Variants in ROBO2 observed in about 807,000 individuals in gnomAD.
ROBO2 encodes roundabout homolog 2.
ROBO2 carries 53 observed loss-of-function variants against 160.8 expected under a neutral mutation model. The observed-to-expected ratio is 0.33, with a 90% confidence interval of 0.26 to 0.41. ROBO2 has a LOEUF of 0.41. Among genes scored for constraint, ROBO2 ranks in the 10% least tolerant of loss-of-function variants. The probability of loss-of-function intolerance (pLI) is 1.00; values close to 1 mark genes in which losing one functional copy is unlikely to be tolerated. For missense variants in ROBO2, 1,577 were observed against 1,722.4 expected, an observed-to-expected ratio of 0.92 and a Z score of 1.49; for synonymous variants, 664 against 611.7, an observed-to-expected ratio of 1.09 and a Z score of -1.26.
chr3:76,802,396 A>G (rs143447715), intron 2 of ROBO2, among the ~76,000 whole-genome samples: 3 of 152,150 alleles, frequency 2.0e-5, no homozygotes, highest in African/African-American at 7.2e-5. Flanking sequence ...GCCTTCCAGC[A>G]TATTGGAGAT....
At chr3:77,051,580 G>T (rs2149696027) in intron 1 of ROBO2, among the ~76,000 whole-genome samples, 1 of 152,318 alleles carries the variant, frequency 6.6e-6, no homozygotes, top group South Asian at 2.1e-4. Context: ...TAAATTCCAA[G>T]TGTATTCAAC....
chr3:76,409,072 CAT>C (rs2075359418), intron 2 of ROBO2, among the ~76,000 whole-genome samples: 1 of 152,010 alleles, frequency 6.6e-6, no homozygotes, highest in Non-Finnish European at 1.5e-5. Context: ...CTAAGTTTGA[CAT>C]ATGAAAGTTT....
At chr3:76,667,222 G>T (rs1575822046) in intron 2 of ROBO2, among the ~76,000 whole-genome samples, 1 of 152,000 alleles carries the variant, frequency 6.6e-6, no homozygotes, top group South Asian at 2.1e-4. Flanking sequence ...AGACTTTTGG[G>T]GTTGGTTATT....
intron 2 of ROBO2, among the ~76,000 whole-genome samples, chr3:77,151,517 ATCTTC>A (rs1300581681): frequency 6.6e-6 from 1 of 152,024 alleles, no homozygotes; most frequent in African/African-American, 2.4e-5. Context: ...TGCTTTGTGA[ATCTTC>A]TCTTTTTGAA....
At chr3:76,523,022 T>TAA (rs2081724845) in intron 2 of ROBO2, among the ~76,000 whole-genome samples, 2 of 148,112 alleles carry the variant, frequency 1.4e-5, no homozygotes, top group African/African-American at 4.9e-5. Flanking sequence ...ATATAATATA[T>TAA]TTTATATATG....
chr3:76,972,537 A>G (rs1367173787), intron 2 of ROBO2, among the ~76,000 whole-genome samples: 1 of 152,022 alleles, frequency 6.6e-6, no homozygotes, highest in East Asian at 1.9e-4. Context: ...TTATATATAT[A>G]AATATAAGTG....
At chr3:75,954,881 A>G (rs1948670662) in intron 2 of ROBO2, among the ~76,000 whole-genome samples, 1 of 151,926 alleles carries the variant, frequency 6.6e-6, no homozygotes. Context: ...GATATATGAA[A>G]AAATAATATA....
At chr3:77,441,474 G>T (rs1455990559) in intron 2 of ROBO2, among the ~76,000 whole-genome samples, 1 of 151,612 alleles carries the variant, frequency 6.6e-6, no homozygotes, top group South Asian at 2.1e-4. Flanking sequence ...AAAACCCAAC[G>T]CTTTAACTTT....
intron 2 of ROBO2, among the ~76,000 whole-genome samples, chr3:76,353,925 T>A (rs1378915515): frequency 6.6e-6 from 1 of 151,928 alleles, no homozygotes; most frequent in Non-Finnish European, 1.5e-5. Context: ...GCTGCAATTC[T>A]TGTGACCAGA....
chr3:76,085,052 C>T (rs1407267686), intron 2 of ROBO2, among the ~76,000 whole-genome samples: 1 of 151,674 alleles, frequency 6.6e-6, no homozygotes, highest in Non-Finnish European at 1.5e-5. Context: ...GTGCTTAAAG[C>T]TTATCCATGA....
chr3:77,400,478 T>C (rs1173318990), intron 2 of ROBO2, among the ~76,000 whole-genome samples: 4 of 152,184 alleles, frequency 2.6e-5, no homozygotes, highest in African/African-American at 4.8e-5. Flanking sequence ...CACATAGTTC[T>C]AAGAAGGAGC....
intron 8 of ROBO2, among the ~76,000 whole-genome samples, chr3:77,557,387 G>A (rs1159370414): frequency 1.3e-5 from 2 of 151,824 alleles, no homozygotes; most frequent in Admixed American, 6.6e-5. Flanking sequence ...ATTTTGGAAG[G>A]AAATTATTTA....
At chr3:77,420,888 C>G (rs933157059) in intron 2 of ROBO2, among the ~76,000 whole-genome samples, 1 of 152,070 alleles carries the variant, frequency 6.6e-6, no homozygotes, top group Non-Finnish European at 1.5e-5. Context: ...ACATTTTTCC[C>G]CACATTGACA....
intron 2 of ROBO2, among the ~76,000 whole-genome samples, chr3:76,303,767 A>G (rs2107748920): frequency 6.6e-6 from 1 of 152,296 alleles, no homozygotes; most frequent in East Asian, 1.9e-4. Context: ...AATGCAGTGT[A>G]ATATTAGGAG....
intron 2 of ROBO2, among the ~76,000 whole-genome samples, chr3:76,089,777 C>A (rs559542802): frequency 6.6e-6 from 1 of 151,968 alleles, no homozygotes; most frequent in Admixed American, 6.6e-5. Context: ...AGGAACAATG[C>A]AAGAAGATTC....
intron 2 of ROBO2, among the ~76,000 whole-genome samples, chr3:76,260,714 G>C (rs1438863554): frequency 1.3e-5 from 2 of 152,068 alleles, no homozygotes; most frequent in Non-Finnish European, 2.9e-5. Flanking sequence ...GAACCAGTAA[G>C]AGAGCACAGT....
At chr3:76,861,385 T>C (rs1172521886) in intron 2 of ROBO2, among the ~76,000 whole-genome samples, 1 of 152,204 alleles carries the variant, frequency 6.6e-6, no homozygotes, top group African/African-American at 2.4e-5. Context: ...CTTATGACAA[T>C]GCCTACCACA....
At chr3:76,774,884 T>A (rs1452242069) in intron 2 of ROBO2, among the ~76,000 whole-genome samples, 1 of 150,082 alleles carries the variant, frequency 6.7e-6, no homozygotes, top group Non-Finnish European at 1.5e-5. Flanking sequence ...TTAAAAATAA[T>A]GGAAAATAGT....
At chr3:77,256,628 A>G (rs991687333) in intron 2 of ROBO2, among the ~76,000 whole-genome samples, 1 of 152,222 alleles carries the variant, frequency 6.6e-6, no homozygotes, top group African/African-American at 2.4e-5. Flanking sequence ...GCATTAGTAC[A>G]AAAAACTATT....
Sources: gnomAD v4.1 joint callset for allele counts (sites outside exome capture counted in the v4.1 genomes callset) on GRCh38, gnomAD v4.1.1 for gene constraint, MANE v1.5 for transcripts, NCBI Gene and HGNC (gene_info 2026-07-23, HGNC 2026-07-21) for gene names.